Variants in DDB1 observed in about 807,000 individuals in gnomAD.
The protein encoded by DDB1 is DNA damage-binding protein 1.
DDB1 carries 18 observed loss-of-function variants against 133.1 expected under a neutral mutation model. The observed-to-expected ratio is 0.14, with a 90% CI of 0.09 to 0.20. DDB1 has a LOEUF of 0.20. Among genes scored for constraint, DDB1 ranks in the 10% least tolerant of loss-of-function variants. The pLI is 1.00. For synonymous variants in DDB1, 580 were observed against 550.5 expected (o/e 1.05, Z -0.75); for missense variants, 828 against 1,459.2 (o/e 0.57, Z 7.05).
At chr11:61,324,303 A>C in intron 6 of DDB1, 166 bp from the exon 7 acceptor site, 1 of 656,478 alleles carries the variant, frequency 1.5e-6, no homozygotes, top group Non-Finnish European at 2.6e-6. Flanking sequence ...CCATTAATAG[A>C]AAATGGGGAG....
intron 5 of DDB1, 62 bp from the exon 6 acceptor site, chr11:61,325,770 C>T: frequency 1.5e-6 from 2 of 1,367,658 alleles, no homozygotes; most frequent in Non-Finnish European, 2.1e-6. Context: ...CCAGGACTGG[C>T]AAAAGTACAG....
intron 21 of DDB1, 62 bp from the exon 22 acceptor site, chr11:61,304,097 CAA>C: frequency 6.3e-7 from 1 of 1,589,232 alleles, no homozygotes; most frequent in Non-Finnish European, 8.6e-7. Flanking sequence ...TGACTCCCCC[CAA>C]CTCTTCGACC....
intron 25 of DDB1, chr11:61,301,247 A>T (rs1184810328): frequency 3.8e-6 from 1 of 263,342 alleles, no homozygotes; most frequent in Non-Finnish European, 7.4e-6. Flanking sequence ...CACAAGAACC[A>T]CCTAAGTCTA....
intron 6 of DDB1, 173 bp from the exon 7 acceptor site, chr11:61,324,310 G>A: frequency 1.6e-6 from 1 of 625,148 alleles, no homozygotes; most frequent in Non-Finnish European, 2.7e-6. Context: ...TAGAAAATGG[G>A]GAGCTTTTTT....
intron 10 of DDB1, among the ~76,000 whole-genome samples, chr11:61,320,762 A>G (rs1856165090): frequency 6.6e-6 from 1 of 152,136 alleles, no homozygotes; most frequent in Admixed American, 6.5e-5. Context: ...ATTTAATCTG[A>G]TTATGCTGTC....
chr11:61,313,201 C>T (rs1350227822), intron 16 of DDB1, among the ~76,000 whole-genome samples: 2 of 152,136 alleles, frequency 1.3e-5, no homozygotes, highest in African/African-American at 2.4e-5. Context: ...TAGAGGGACA[C>T]AAAATGATCT....
intron 1 of DDB1, chr11:61,332,538 A>G (rs1856408723): frequency 1.0e-5 from 2 of 192,258 alleles, no homozygotes; most frequent in Non-Finnish European, 2.1e-5. Flanking sequence ...TCCCCACAGG[A>G]AAATCTTGAC....
chr11:61,300,737 G>T, intron 26 of DDB1, 72 bp downstream of exon 26: 9 of 1,590,426 alleles, frequency 5.7e-6, no homozygotes, highest in Non-Finnish European at 7.7e-6. Flanking sequence ...GAGGTGCCCA[G>T]AGACAGTCTC....
chr11:61,329,917 C>T, intron 3 of DDB1, 41 bp downstream of exon 3: 2 of 1,526,232 alleles, frequency 1.3e-6, no homozygotes, highest in South Asian at 1.1e-5. Flanking sequence ...CATGACAGCC[C>T]TACTTAGAAA....
chr11:61,315,025 T>G (rs1856041553), intron 12 of DDB1: 1 of 152,164 alleles, frequency 6.6e-6, no homozygotes, highest in Non-Finnish European at 1.5e-5. Flanking sequence ...AGATGGGGTT[T>G]CACCATGTTG....
intron 1 of DDB1, 93 bp downstream of exon 1, chr11:61,332,815 C>T: frequency 1.7e-6 from 2 of 1,198,896 alleles, no homozygotes; most frequent in Non-Finnish European, 2.2e-6. Flanking sequence ...GGGCCCACTC[C>T]TGCCCGGCCG....
chr11:61,313,347 A>T, intron 16 of DDB1, 152 bp downstream of exon 16: 1 of 686,916 alleles, frequency 1.5e-6, no homozygotes, highest in Non-Finnish European at 2.3e-6. Context: ...AAGTGTTTCT[A>T]TTGGGTAGCC....
At chr11:61,309,728 CTCACAAT>C in intron 20 of DDB1, 61 bp downstream of exon 20, 12 of 1,551,000 alleles carry the variant, frequency 7.7e-6, no homozygotes, top group African/African-American at 1.4e-5. Context: ...TCTCTGAAAC[CTCACAAT>C]GGCCTGCTGA....
intron 23 of DDB1, 84 bp from the exon 24 acceptor site, chr11:61,302,835 T>C (rs1434168790): frequency 1.3e-6 from 2 of 1,548,568 alleles, no homozygotes; most frequent in South Asian, 1.2e-5. Context: ...GTGGTCACGG[T>C]GCTCAATTTC....
In DDB1 at chr11:61,324,029, T is replaced by C; in HGVS notation, c.871A>G (p.Met291Val). 6.2e-7 allele frequency: 1 copy of C among 1,613,716 alleles called. No homozygotes were observed. Among genetic ancestry groups the C allele is most frequent in the Non-Finnish European group, 8.5e-7 (1 of 1,179,848 alleles). Residue 291 changes from methionine (M) to valine (V), a missense_variant, in exon 7 of 27, where the codon ATG (methionine) becomes GTG (valine). Around this residue, in one of 7 missense-constraint regions of DDB1, gnomAD observed 35 missense variants for 57.5 expected, o/e 0.61. Coordinates refer to ENST00000301764, the MANE Select transcript of DDB1 (RefSeq NM_001923.5). ...TCCTTGAGAGTGACGGTGCCATCCA[T>C]CTGTTCCTCCTTCTCCAAAAGCAGC... is the stretch of plus-strand genomic sequence containing the variant. Reference protein sequence around the residue: ...FMLLLEKEEQMDGTVTLKDLR... With the variant: ...FMLLLEKEEQVDGTVTLKDLR...
rs1421737266 is a variant in DDB1, at chr11:61,302,616, G to A, written c.3078C>T (p.Gly1026=). 1.9e-6 allele frequency: 3 copies of A among 1,614,234 alleles called. No homozygotes were observed. Among genetic ancestry groups the A allele is most frequent in the South Asian group, 1.1e-5 (1 of 91,088 alleles). ...NLGETSTPTQ[G]SVLFGTVNGM... is the part of the protein sequence containing the mutation. ...CGTTGACCGTGCCGAAGAGCACCGA[G>A]CCTTGTGTGGGGGTGGAAGTCTCAC... The change falls in exon 24 of 27, where the codon GGC becomes GGT. Residue 1026 remains glycine (G), a synonymous_variant. Coordinates refer to ENST00000301764, the MANE Select transcript of DDB1 (RefSeq NM_001923.5).
chr11:61,299,846 C>T lies in DDB1; in HGVS notation c.*290G>A. On this transcript the variant is annotated 3_prime_UTR_variant, in exon 27 of 27. Transcript: ENST00000301764. ...CTTTCAGCCAAAGAACTGCAAAATCCTTCCCCGGAAGGAGGACAACTGGCA... is the reference window on the plus strand; with the variant it reads ...CTTTCAGCCAAAGAACTGCAAAATCTTTCCCCGGAAGGAGGACAACTGGCA... 1 of 486,508 alleles carries T rather than the reference C, an allele frequency of 2.1e-6. No homozygotes were observed. Among genetic ancestry groups the T allele is most frequent in the Non-Finnish European group, 3.8e-6 (1 of 264,452 alleles). 30.1% of individuals were successfully genotyped at this position (486,508 alleles called of 1,614,324 possible). A position where few individuals can be genotyped will look rare whatever the true frequency, so the allele number is the denominator to read the frequency against.
chr11:61,316,321 G>T lies in DDB1; in HGVS notation c.1374C>A (p.Phe458Leu). 8 of 1,614,184 alleles carry T rather than the reference G, an allele frequency of 5.0e-6. No individual in the cohort carries two copies. The highest frequency in any genetic ancestry group is 2.2e-5 in the East Asian group (1 of 44,892). ...LMGFVDDQQT[F>L]FCGNVAHQQL... is the part of the protein sequence containing the mutation. ...GCTGATGAGCCACGTTGCCACAGAA[G>T]AAAGTCTGCTGATCATCCACGAAAC... The change falls in exon 12 of 27, where the codon TTC becomes TTA. Residue 458 changes from phenylalanine to leucine, a missense_variant. Coordinates refer to ENST00000301764, the MANE Select transcript of DDB1 (RefSeq NM_001923.5).
At chr11:61,312,876 G>C (rs144737348) in intron 16 of DDB1, among the ~76,000 whole-genome samples, 5 of 152,222 alleles carry the variant, frequency 3.3e-5, no homozygotes, top group African/African-American at 1.2e-4. Flanking sequence ...TAGGATTACA[G>C]GCATGAGCCA....
Sources: allele counts gnomAD v4.1 joint callset (sites outside exome capture counted in the v4.1 genomes callset), GRCh38; gene constraint gnomAD v4.1.1; regional missense constraint gnomAD v4.1.1; transcripts MANE v1.5; gene names NCBI Gene and HGNC (gene_info 2026-07-23, HGNC 2026-07-21).